The following GRID2 variants were observed in gnomAD, a reference collection of about 807,000 sequenced individuals.
GRID2 encodes glutamate receptor ionotropic, delta-2.
GRID2 carries 33 observed loss-of-function variants against 114.8 expected under a neutral mutation model. The observed-to-expected ratio is 0.29, with a 90% CI of 0.22 to 0.38. The LOEUF is 0.38. GRID2 is among the 10% of genes least tolerant of loss of function. GRID2 has a pLI of 1.00. For synonymous variants in GRID2, 505 were observed against 449.9 expected, an observed-to-expected ratio of 1.12 and a Z score of -1.55; for missense variants, 1,184 against 1,257.7, an observed-to-expected ratio of 0.94 and a Z score of 0.89.
At chr4:93,719,542 C>A (rs371240558) in intron 14 of GRID2, among the ~76,000 whole-genome samples, 1 of 152,026 alleles carries the variant, frequency 6.6e-6, no homozygotes, top group African/African-American at 2.4e-5. Context: ...GGGCTACTTC[C>A]GCTCACAAGG....
intron 2 of GRID2, among the ~76,000 whole-genome samples, chr4:93,009,087 A>G (rs545322948): frequency 6.6e-6 from 1 of 152,134 alleles, no homozygotes; most frequent in African/African-American, 2.4e-5. Flanking sequence ...TTTTGATGGC[A>G]TGAAAACAAA....
intron 4 of GRID2, chr4:93,204,192 C>T (rs1403846717): frequency 5.9e-5 from 9 of 152,068 alleles, no homozygotes; most frequent in Admixed American, 4.6e-4. Flanking sequence ...CATTTAGTAA[C>T]CTAAATTGGA....
intron 14 of GRID2, among the ~76,000 whole-genome samples, chr4:93,733,056 C>A (rs1007925874): frequency 4.6e-5 from 7 of 152,088 alleles, no homozygotes; most frequent in Non-Finnish European, 5.9e-5. Flanking sequence ...CAACTGAAGT[C>A]AATGCAGCTA....
chr4:93,073,604 T>C (rs146212513), intron 2 of GRID2, among the ~76,000 whole-genome samples: 1 of 152,248 alleles, frequency 6.6e-6, no homozygotes, highest in African/African-American at 2.4e-5. Flanking sequence ...GACTATGTTT[T>C]TCCCATCTAT....
At chr4:92,915,729 T>TG in intron 2 of GRID2, among the ~76,000 whole-genome samples, 1 of 152,240 alleles carries the variant, frequency 6.6e-6, no homozygotes, top group East Asian at 1.9e-4. Context: ...CCAGCATCTG[T>TG]TATTTCTGAC....
At chr4:93,596,949 G>A (rs897348965) in intron 13 of GRID2, among the ~76,000 whole-genome samples, 1 of 152,124 alleles carries the variant, frequency 6.6e-6, no homozygotes, top group Non-Finnish European at 1.5e-5. Flanking sequence ...TTGATATTCG[G>A]CATTTTGATG....
At chr4:92,675,497 T>C (rs1733299286) in intron 2 of GRID2, among the ~76,000 whole-genome samples, 1 of 134,172 alleles carries the variant, frequency 7.5e-6, no homozygotes, top group Admixed American at 7.3e-5. Flanking sequence ...CCAATCACTA[T>C]TCTTCACTAT....
intron 1 of GRID2, among the ~76,000 whole-genome samples, chr4:92,498,162 C>T (rs1723488027): frequency 6.6e-6 from 1 of 151,694 alleles, no homozygotes; most frequent in African/African-American, 2.4e-5. Flanking sequence ...AGTCATCCCA[C>T]CTTTGCATAA....
chr4:93,624,143 T>A (rs1209296796), intron 13 of GRID2, among the ~76,000 whole-genome samples: 1 of 152,120 alleles, frequency 6.6e-6, no homozygotes, highest in African/African-American at 2.4e-5. Context: ...TATCATCTCA[T>A]TAATATATTA....
At chr4:93,445,162 A>G (rs1180365338) in intron 10 of GRID2, among the ~76,000 whole-genome samples, 1 of 152,024 alleles carries the variant, frequency 6.6e-6, no homozygotes, top group Non-Finnish European at 1.5e-5. Context: ...TCTGGCTGGA[A>G]TGTTAATAGG....
intron 2 of GRID2, among the ~76,000 whole-genome samples, chr4:92,665,493 T>C (rs1033951837): frequency 6.6e-5 from 10 of 151,420 alleles, no homozygotes; most frequent in African/African-American, 2.4e-4. Flanking sequence ...TAACATTAAA[T>C]TTTTCATGTA....
intron 8 of GRID2, among the ~76,000 whole-genome samples, chr4:93,354,042 CATAT>C (rs1761070074): frequency 6.6e-6 from 1 of 151,824 alleles, no homozygotes; most frequent in Admixed American, 6.6e-5. Context: ...CACACACACA[CATAT>C]GCCAGACACT....
chr4:93,594,365 CG>C (rs1368131433), intron 13 of GRID2, among the ~76,000 whole-genome samples: 1 of 152,162 alleles, frequency 6.6e-6, no homozygotes, highest in Non-Finnish European at 1.5e-5. Context: ...TTAGGCTGCT[CG>C]GGGGTCAGGG....
At chr4:93,229,491 G>C (rs1284643876) in intron 7 of GRID2, among the ~76,000 whole-genome samples, 2 of 152,128 alleles carry the variant, frequency 1.3e-5, no homozygotes, top group Admixed American at 6.6e-5. Flanking sequence ...ACAGATGTGG[G>C]GCCAAAGAAA....
intron 13 of GRID2, among the ~76,000 whole-genome samples, chr4:93,520,988 G>A (rs535858678): frequency 2.0e-5 from 3 of 152,124 alleles, no homozygotes; most frequent in Non-Finnish European, 4.4e-5. Context: ...TGTGACATGA[G>A]GCGGGGGTGG....
intron 3 of GRID2, among the ~76,000 whole-genome samples, chr4:93,094,578 A>T (rs1213809544): frequency 1.3e-5 from 2 of 152,004 alleles, no homozygotes; most frequent in Non-Finnish European, 2.9e-5. Context: ...TAAATAGGTA[A>T]TATAATTTTA....
intron 8 of GRID2, among the ~76,000 whole-genome samples, chr4:93,255,847 T>A (rs897347295): frequency 6.6e-6 from 1 of 152,028 alleles, no homozygotes; most frequent in Admixed American, 6.6e-5. Context: ...AATTACCCAG[T>A]CTCAGGTATC....
chr4:93,113,154 G>T (rs1449972630), intron 4 of GRID2, among the ~76,000 whole-genome samples: 1 of 152,122 alleles, frequency 6.6e-6, no homozygotes, highest in Admixed American at 6.6e-5. Flanking sequence ...GATTCTTCAG[G>T]TGGTCTTAAC....
At chr4:92,954,184 A>T (rs1437852396) in intron 2 of GRID2, among the ~76,000 whole-genome samples, 2 of 152,152 alleles carry the variant, frequency 1.3e-5, no homozygotes, top group South Asian at 4.1e-4. Context: ...TGAAAAAAGC[A>T]TACTATGTGT....
Sources: gnomAD v4.1 joint callset for allele counts (sites outside exome capture counted in the v4.1 genomes callset) on GRCh38, gnomAD v4.1.1 for gene constraint, MANE v1.5 for transcripts, NCBI Gene and HGNC (gene_info 2026-07-23, HGNC 2026-07-21) for gene names.